Variants in FCRL1 observed in about 807,000 individuals in gnomAD.
FCRL1 encodes Fc receptor like 1, also known as Fc receptor-like protein 1.
A neutral mutation model predicts 49.2 loss-of-function variants in FCRL1; 34 were observed. The ratio of observed to expected loss-of-function variants is 0.69; its 90% confidence interval spans 0.53 to 0.92. FCRL1 has a LOEUF of 0.92. Ranked by LOEUF, FCRL1 falls within the 40% of genes least tolerant of loss-of-function variation. The pLI is 0.00. For missense variants in FCRL1, 524 were observed against 524.1 expected, an observed-to-expected ratio of 1.00 and a Z score of 0.00; for synonymous variants, 218 against 201.6, an observed-to-expected ratio of 1.08 and a Z score of -0.69.
chr1:157,803,408 C>T (rs191302282), intron 3 of FCRL1, among the ~76,000 whole-genome samples: 4 of 152,228 alleles, frequency 2.6e-5, no homozygotes, highest in Admixed American at 1.3e-4. Context: ...TTCCATAAGC[C>T]CTGCTCCAGT....
At chr1:157,813,966 A>T (rs1654697548) in intron 1 of FCRL1, among the ~76,000 whole-genome samples, 1 of 152,176 alleles carries the variant, frequency 6.6e-6, no homozygotes, top group Non-Finnish European at 1.5e-5. Context: ...ACTTTCAGCA[A>T]GAATACTATA....
rs376709637 is a variant in FCRL1, at chr1:157,804,253, C to T, written c.53-142G>A. On this transcript the variant is annotated intron_variant, in intron 2 of 10. Coordinates refer to ENST00000368176, the MANE Select transcript of FCRL1 (RefSeq NM_052938.5). The stretch of plus-strand genomic sequence containing the variant: ...GCCACCCTACATGTCTCCACCCCCC[C>T]CCCAGTGGCCCATGGGCTTTCCTTT... 1.3e-3 allele frequency: 1,251 copies of T among 942,238 alleles called. 14 individuals carry two copies. The African/African-American group carries it at 0.018, about 13-fold the overall frequency. The allele number at this position is 942,238 out of a possible 1,614,324, so 58.4% of individuals were successfully genotyped here.
chr1:157,802,438 G>A lies in FCRL1; in HGVS notation c.546C>T (p.Tyr182=). The change falls in exon 4 of 11, where the codon TAC becomes TAT. Residue 182 remains tyrosine (Y), a synonymous_variant. Transcript: ENST00000368176. ...SVRESDAEQY[Y]CVAENGYGPS... is the part of the protein sequence containing the mutation. ...GACCATAGCCATTTTCAGCTACACA[G>A]TAATATTGCTCAGCATCACTCTCCC... is the stretch of plus-strand genomic sequence containing the variant. The A allele has an allele frequency of 6.2e-7, 1 of 1,614,216 alleles. No homozygotes were observed. Among genetic ancestry groups the A allele is most frequent in the Non-Finnish European group, 8.5e-7 (1 of 1,180,032 alleles).
chr1:157,797,578 C>T (rs1463346593), intron 9 of FCRL1: 8 of 633,088 alleles, frequency 1.3e-5, no homozygotes, highest in Admixed American at 8.5e-5. Context: ...TTACCTCCAT[C>T]GTGTTGGGAG....
Position 157,802,038 on chromosome 1 carries a change from G to A in FCRL1, c.763C>T (p.Pro255Ser), listed in dbSNP as rs1652574651. The A allele has an allele frequency of 6.2e-7, 1 of 1,614,210 alleles. No homozygotes were observed. Among genetic ancestry groups the A allele is most frequent in the Non-Finnish European group, 8.5e-7 (1 of 1,180,036 alleles). The change falls in exon 5 of 11, where the codon CCC becomes TCC. Residue 255 changes from proline (P) to serine (S), a missense_variant. Coordinates refer to ENST00000368176, the MANE Select transcript of FCRL1 (RefSeq NM_052938.5). ...TTGAAGGAGGCTCCTCCTCCAGAGG[G>A]GGCCGACCTGCTCCCCAGGGTGATA... ...EDITLGSRSAPSGGGASFNLS... is the reference protein window; with the variant it reads ...EDITLGSRSASSGGGASFNLS...
intron 1 of FCRL1, among the ~76,000 whole-genome samples, chr1:157,818,683 G>A (rs72710036): frequency 0.087 from 13,248 of 152,214 alleles, 692 homozygotes; most frequent in Middle Eastern, 0.16. Context: ...GGGGATGCCT[G>A]CTAGTGGGTA....
In FCRL1 at chr1:157,797,054, C is replaced by A. The variant is rs1426683927; in HGVS notation, c.1218+47G>T. 4.4e-6 allele frequency: 7 copies of A among 1,596,418 alleles called. No individual in the cohort carries two copies. The South Asian group carries it at 7.8e-5, about 18-fold the overall frequency. ...ATTTAAGAAGTTTGAGAACCAGTCC[C>A]CAGAGGAAAGAAAGAACATGGAAGA... On this transcript the variant is annotated intron_variant, in intron 10 of 10. Coordinates refer to ENST00000368176, the MANE Select transcript of FCRL1 (RefSeq NM_052938.5).
intron 1 of FCRL1, among the ~76,000 whole-genome samples, chr1:157,809,846 A>C (rs1456091768): frequency 6.6e-6 from 1 of 152,146 alleles, no homozygotes; most frequent in Non-Finnish European, 1.5e-5. Flanking sequence ...ATCACTTGAG[A>C]CCAGGAATTC....
chr1:157,812,448 T>G (rs562544653), intron 1 of FCRL1, among the ~76,000 whole-genome samples: 1 of 152,300 alleles, frequency 6.6e-6, no homozygotes, highest in East Asian at 1.9e-4. Flanking sequence ...CACTCTCTCC[T>G]GGTGCCTAAG....
chr1:157,803,988 C>T lies in FCRL1; in HGVS notation c.176G>A (p.Arg59Gln), dbSNP rs559228098. The T allele has an allele frequency of 8.7e-6, 14 of 1,614,166 alleles. No individual in the cohort carries two copies. In the East Asian group the frequency reaches 8.9e-5, roughly 10 times the overall value. The change falls in exon 3 of 11, where the codon CGG (arginine) becomes CAG (glutamine). Residue 59 changes from arginine to glutamine, a missense_variant. Transcript: ENST00000368176. ...GCTGCTCCAGCCTGGGCCCAAGGCC[C>T]GGGTGTCTCTGAAAAAGCAGAACTG... ...QFQFCFFRDT[R>Q]ALGPGWSSSP...
intron 1 of FCRL1, 113 bp downstream of exon 1, chr1:157,819,893 AC>A: frequency 8.3e-6 from 10 of 1,211,862 alleles, no homozygotes; most frequent in Non-Finnish European, 1.1e-5. Flanking sequence ...AGATCTGAGC[AC>A]CCCTGAGCAT....
At chr1:157,801,092 A>G (rs1652378194) in intron 6 of FCRL1, among the ~76,000 whole-genome samples, 1 of 152,196 alleles carries the variant, frequency 6.6e-6, no homozygotes, top group East Asian at 1.9e-4. Flanking sequence ...GGGTTTCACC[A>G]TGTTGGCCAG....
intron 1 of FCRL1, 88 bp from the exon 2 acceptor site, chr1:157,807,210 C>T: frequency 1.4e-6 from 2 of 1,394,930 alleles, no homozygotes; most frequent in Middle Eastern, 1.8e-4. Context: ...TCCCCAACAC[C>T]ACACCCTCCA....
chr1:157,802,804 G>C, intron 3 of FCRL1, 140 bp from the exon 4 acceptor site: 1 of 825,244 alleles, frequency 1.2e-6, no homozygotes, highest in Non-Finnish European at 1.8e-6. Context: ...AGGTGGGGAG[G>C]GGTCTGCTGA....
At chr1:157,796,273 C>A in intron 10 of FCRL1, 103 bp from the exon 11 acceptor site, 1 of 928,258 alleles carries the variant, frequency 1.1e-6, no homozygotes. Context: ...TGGCACATCA[C>A]GCAATGCAAA....
chr1:157,796,481 A>G (rs1185843038), intron 10 of FCRL1, among the ~76,000 whole-genome samples: 1 of 152,236 alleles, frequency 6.6e-6, no homozygotes, highest in African/African-American at 2.4e-5. Flanking sequence ...TTTTATATTC[A>G]TAAATTAAAT....
At chr1:157,804,255 C>CT in intron 2 of FCRL1, 144 bp from the exon 3 acceptor site, 1 of 934,562 alleles carries the variant, frequency 1.1e-6, no homozygotes, top group African/African-American at 1.7e-5. Context: ...CACCCCCCCC[C>CT]CAGTGGCCCA....
rs1479774444 is a variant in FCRL1 at position 157,801,931 on chromosome 1, C to T, written c.870G>A (p.Val290=). 1 of 1,613,386 alleles carries T rather than the reference C, an allele frequency of 6.2e-7. No individual in the cohort carries two copies. Among genetic ancestry groups the T allele is most frequent in the Non-Finnish European group, 8.5e-7 (1 of 1,179,598 alleles). Reference sequence around the variant, plus strand: ...GAGCTATACCTGTGAAGTTGAGTGTCACCGCCTCACTGCGCTGGGCCCCCA... The same window carrying T: ...GAGCTATACCTGTGAAGTTGAGTGTTACCGCCTCACTGCGCTGGGCCCCCA... The part of the protein sequence containing the change: ...NGLGAQRSEA[V]TLNFTVPTGA... The change falls in exon 5 of 11, where the codon GTG becomes GTA. Residue 290 remains valine, a synonymous_variant. Coordinates refer to ENST00000368176, the MANE Select transcript of FCRL1 (RefSeq NM_052938.5).
chr1:157,798,013 C>T (rs1479737424), intron 8 of FCRL1, 74 bp from the exon 9 acceptor site: 7 of 1,539,258 alleles, frequency 4.5e-6, no homozygotes, highest in Non-Finnish European at 6.3e-6. Flanking sequence ...TACCTTCCAC[C>T]TGTCACAGCC....
Sources: gnomAD v4.1 joint callset for allele counts (sites outside exome capture counted in the v4.1 genomes callset) on GRCh38, gnomAD v4.1.1 for gene constraint, MANE v1.5 for transcripts, NCBI Gene and HGNC (gene_info 2026-07-23, HGNC 2026-07-21) for gene names.